Variants in CFAP251 observed in about 807,000 individuals in gnomAD.
CFAP251 encodes cilia and flagella associated protein 251.
CFAP251 carries 93 observed loss-of-function variants against 126.7 expected under a neutral mutation model. The ratio of observed to expected loss-of-function variants is 0.73; its 90% CI spans 0.62 to 0.87. The LOEUF (loss-of-function observed/expected upper bound fraction) is 0.87. Among genes scored for constraint, CFAP251 ranks in the 40% least tolerant of loss-of-function variants. The pLI, the probability that CFAP251 is intolerant of heterozygous loss-of-function variation, is 0.00. For missense variants in CFAP251, 1,287 were observed against 1,389.2 expected (o/e 0.93, Z 1.17); for synonymous variants, 503 against 506.9 (o/e 0.99, Z 0.10).
chr12:121,979,481 G>A (rs912192342), intron 19 of CFAP251, among the ~76,000 whole-genome samples: 5 of 152,010 alleles, frequency 3.3e-5, no homozygotes, highest in African/African-American at 1.2e-4. Flanking sequence ...TCTCCTGGGG[G>A]TGCTCACTGC....
Position 121,962,028 on chromosome 12 carries a change from C to T in CFAP251, c.2358C>T (p.Asp786=), listed in dbSNP as rs771622159. 29 of 1,613,794 alleles carry T rather than the reference C, an allele frequency of 1.8e-5. No homozygotes were observed. The Admixed American group carries it at 4.8e-4, about 27-fold the overall frequency. Residue 786 remains aspartate (D), a synonymous_variant, in exon 15 of 22, where the codon GAC becomes GAT. Coordinates refer to ENST00000288912, the MANE Select transcript of CFAP251 (RefSeq NM_144668.6). ...RSYKDHLEVL[D]IHHTDQGCYP... ...ACAAAGACCACCTGGAAGTCCTGGA[C>T]ATTCACCACACCGACCAGGGCTGCT...
rs1207050577 is a variant in CFAP251, at chr12:121,975,542, G to A, written c.2863G>A (p.Glu955Lys). ...GTGTTTCCGTTGTATTCCTACATAGGAGCTAGAAGACTACTTCTACTATTC... is the reference window on the plus strand; with the variant it reads ...GTGTTTCCGTTGTATTCCTACATAGAAGCTAGAAGACTACTTCTACTATTC... ...SGGREGKFYR[E>K]LEDYFYYSQL... Residue 955 changes from glutamate to lysine, a missense_variant and splice_region_variant, in exon 19 of 22, where the codon GAG becomes AAG. Transcript: ENST00000288912. 1.2e-6 allele frequency: 2 copies of A among 1,608,660 alleles called. No individual in the cohort carries two copies. The highest frequency in any genetic ancestry group is 1.7e-5 in the Admixed American group (1 of 58,236).
At chr12:121,942,464 C>G (rs1264134038) in intron 5 of CFAP251, 70 bp from the exon 6 acceptor site, 2 of 1,116,498 alleles carry the variant, frequency 1.8e-6, no homozygotes, top group African/African-American at 1.5e-5. Flanking sequence ...TGAGCTCAGA[C>G]CTGCCCTGGG....
At chr12:121,962,247 G>GAAA in intron 15 of CFAP251, 85 bp downstream of exon 15, 1 of 1,298,948 alleles carries the variant, frequency 7.7e-7, no homozygotes, top group Non-Finnish European at 1.1e-6. Flanking sequence ...ATAGGGACCT[G>GAAA]CAGGCAGCTT....
In CFAP251 at chr12:121,958,973, G is replaced by A. The variant is rs1881831516; in HGVS notation, c.2012G>A (p.Gly671Glu). ...GALLGAGFTE[G>E]TVYILDAMSL... ...CTTCTTGGAGCTGGCTTTACAGAGGGGACAGTTTACATTCTTGATGCAATG... is the reference window on the plus strand; with the variant it reads ...CTTCTTGGAGCTGGCTTTACAGAGGAGACAGTTTACATTCTTGATGCAATG... Residue 671 changes from glycine to glutamate, a missense_variant, in exon 13 of 22, where the codon GGG (glycine) becomes GAG (glutamate). Physicochemically the swap from Gly to Glu is moderately conservative, Grantham distance 98 (BLOSUM62 -2). Coordinates refer to ENST00000288912, the MANE Select transcript of CFAP251 (RefSeq NM_144668.6). The A allele has an allele frequency of 6.2e-7, 1 of 1,604,340 alleles. No homozygotes were observed. Among genetic ancestry groups the A allele is most frequent in the South Asian group, 1.1e-5 (1 of 88,954 alleles).
rs1880031840 is a variant in CFAP251, at chr12:121,918,900, T to C, written c.-21+205T>C. On this transcript the variant is annotated intron_variant, in intron 1 of 21. Coordinates refer to ENST00000288912, the MANE Select transcript of CFAP251 (RefSeq NM_144668.6). This position sits in a 1 kb window ranked among gnomAD's most constrained non-coding sequence, Gnocchi z 4.3. ...CGCAGAGCCACGCACCTGGCACCCC[T>C]GCCCCAAACCCCTGCGGCTCGAACC... Among the ~76,000 whole-genome samples the C allele has an allele frequency of 6.6e-6, 1 of 152,038 alleles. No homozygotes were observed. Among genetic ancestry groups the C allele is most frequent in the Non-Finnish European group, 1.5e-5 (1 of 67,974 alleles).
chr12:121,921,792 CT>C (rs3040015), intron 2 of CFAP251, 109 bp downstream of exon 2: 10,427 of 788,184 alleles, frequency 0.013, no homozygotes, highest in South Asian at 0.024. Context: ...CAATCCATTC[CT>C]TTTTTTTTTT....
At chr12:121,984,897 T>G (rs1882708404) in intron 19 of CFAP251, among the ~76,000 whole-genome samples, 2 of 152,216 alleles carry the variant, frequency 1.3e-5, no homozygotes, top group African/African-American at 4.8e-5. Context: ...CACCTAGTTC[T>G]GTAAACTTAA....
At position 121,960,776 on chromosome 12, in the gene CFAP251, C is replaced by T. The variant is rs773789322; in HGVS notation, c.2307+18C>T. 8.1e-6 allele frequency: 13 copies of T among 1,611,172 alleles called. No individual in the cohort carries two copies. Among genetic ancestry groups the T allele is most frequent in the East Asian group, 4.5e-5 (2 of 44,870 alleles). ...GGCTCTTGGTGAGCTGTTTAGTTTT[C>T]GTTGACCTGGTCGCCAAGACTGTGT... On this transcript the variant is annotated intron_variant, in intron 14 of 21. Transcript: ENST00000288912.
chr12:121,967,075 A>G lies in CFAP251; in HGVS notation c.2607+6A>G, dbSNP rs769730918. 3.7e-6 allele frequency: 6 copies of G among 1,611,782 alleles called. No individual in the cohort carries two copies. The South Asian group carries it at 5.5e-5, about 15-fold the overall frequency. On this transcript the variant is annotated splice_donor_region_variant and intron_variant, in intron 16 of 21. Coordinates refer to ENST00000288912, the MANE Select transcript of CFAP251 (RefSeq NM_144668.6). ...TGTTTATTAACAGAGACAAGGTAAC[A>G]GCGCTCTCTTCTCCAGTTCTGGGAG...
chr12:121,925,617 A>T (rs1880378421), intron 3 of CFAP251, among the ~76,000 whole-genome samples: 1 of 152,118 alleles, frequency 6.6e-6, no homozygotes, highest in African/African-American at 2.4e-5. Context: ...AGAATAATTG[A>T]GCTTTAGGGC....
In CFAP251 at chr12:121,954,468, A is replaced by T. The variant is rs1008521000; in HGVS notation, c.1535+134A>T. Reference sequence around the variant, plus strand: ...GAGGCTGAGGTGGGAGGATCACATGAGGCCAGAAGTTCAAGACCAGCCTGG... The same window carrying T: ...GAGGCTGAGGTGGGAGGATCACATGTGGCCAGAAGTTCAAGACCAGCCTGG... On this transcript the variant is annotated intron_variant, in intron 10 of 21. Transcript: ENST00000288912. 5 of 780,396 alleles carry T rather than the reference A, an allele frequency of 6.4e-6. No homozygotes were observed. The South Asian group carries it at 9.9e-5, about 15-fold the overall frequency. The allele number at this position is 780,396 out of a possible 1,614,324, so 48.3% of individuals were successfully genotyped here.
At chr12:121,919,681 G>A (rs971922079) in intron 1 of CFAP251, among the ~76,000 whole-genome samples, 1 of 152,074 alleles carries the variant, frequency 6.6e-6, no homozygotes, top group Admixed American at 6.6e-5. Flanking sequence ...TGACAGCAAG[G>A]CCCTTGCTTT....
chr12:121,919,899 C>T (rs1411286768), intron 1 of CFAP251, among the ~76,000 whole-genome samples: 1 of 152,144 alleles, frequency 6.6e-6, no homozygotes, highest in Non-Finnish European at 1.5e-5. Context: ...TAAGATTTCC[C>T]AGCTGCGCGT....
intron 13 of CFAP251, 121 bp from the exon 14 acceptor site, chr12:121,960,464 C>T (rs1283514169): frequency 1.1e-5 from 11 of 1,046,444 alleles, no homozygotes; most frequent in African/African-American, 8.0e-5. Context: ...GTGATCCACC[C>T]GCCTCGGCCT....
rs1880591246 is a variant in CFAP251, at chr12:121,929,499, C to A, written c.748-2247C>A. On this transcript the variant is annotated intron_variant, in intron 3 of 21. Coordinates refer to ENST00000288912, the MANE Select transcript of CFAP251 (RefSeq NM_144668.6). ...GCCAATACTGGTACCTTATTATTAA[C>A]CTAAGTCCATAGTGTATATTGGGGG... Among the ~76,000 whole-genome samples the A allele has an allele frequency of 2.0e-5, 3 of 152,092 alleles. No homozygotes were observed. In the East Asian group the frequency reaches 5.8e-4, roughly 29 times the overall value.
chr12:121,924,116 GTGTT>G, intron 3 of CFAP251, 126 bp downstream of exon 3: 2 of 1,096,984 alleles, frequency 1.8e-6, no homozygotes, highest in Non-Finnish European at 2.5e-6. Flanking sequence ...TAATAGACTT[GTGTT>G]TTTTTTTTTA....
chr12:121,924,257 G>A (rs551157165), intron 3 of CFAP251, among the ~76,000 whole-genome samples: 3 of 149,860 alleles, frequency 2.0e-5, no homozygotes, highest in South Asian at 4.2e-4. Flanking sequence ...TTACAGGCAT[G>A]AGCCACCACG....
chr12:121,992,850 G>A (rs929538865), intron 19 of CFAP251, among the ~76,000 whole-genome samples: 1 of 152,110 alleles, frequency 6.6e-6, no homozygotes, highest in Non-Finnish European at 1.5e-5. Context: ...GATTACAGGC[G>A]TAAGCCACCC....
Sources: gnomAD v4.1 joint callset for allele counts (sites outside exome capture counted in the v4.1 genomes callset) on GRCh38, gnomAD v4.1.1 for gene constraint, Gnocchi (gnomAD v3.1) non-coding constraint, MANE v1.5 for transcripts, NCBI Gene and HGNC (gene_info 2026-07-23, HGNC 2026-07-21) for gene names.